Variants in PTPRN2 observed in about 807,000 individuals in gnomAD.
The protein encoded by PTPRN2 is receptor-type tyrosine-protein phosphatase N2.
PTPRN2 carries 74 observed loss-of-function variants against 118.8 expected under a neutral mutation model. The observed-to-expected ratio is 0.62, with a 90% CI of 0.52 to 0.76. The LOEUF (loss-of-function observed/expected upper bound fraction) is 0.76, where lower values mean the gene tolerates loss of function less well. Ranked by LOEUF, PTPRN2 falls within the 30% of genes least tolerant of loss-of-function variation. PTPRN2 has a pLI of 0.00. For synonymous variants in PTPRN2, 641 were observed against 608.0 expected (o/e 1.05, Z -0.80); for missense variants, 1,481 against 1,394.4 (o/e 1.06, Z -0.99).
intron 12 of PTPRN2, among the ~76,000 whole-genome samples, chr7:157,788,945 G>A (rs1034927785): frequency 7.9e-5 from 12 of 152,222 alleles, no homozygotes; most frequent in African/African-American, 2.2e-4. Context: ...TCACAGAGGC[G>A]AAACCCACAC....
chr7:157,817,375 C>A (rs1045894572), intron 12 of PTPRN2, among the ~76,000 whole-genome samples: 1 of 152,130 alleles, frequency 6.6e-6, no homozygotes, highest in African/African-American at 2.4e-5. Flanking sequence ...CTGTGCCTCC[C>A]AGCAGGAGAA....
chr7:158,322,295 G>A (rs1318482324), intron 2 of PTPRN2, among the ~76,000 whole-genome samples: 2 of 152,196 alleles, frequency 1.3e-5, no homozygotes, highest in African/African-American at 4.8e-5. Flanking sequence ...GGATCCTGGG[G>A]CAACAGATGT....
chr7:157,928,539 C>T (rs1414147764), intron 11 of PTPRN2, among the ~76,000 whole-genome samples: 1 of 152,070 alleles, frequency 6.6e-6, no homozygotes, highest in African/African-American at 2.4e-5. Context: ...GCTGCCTGAA[C>T]ACATTTGGTA....
intron 3 of PTPRN2, among the ~76,000 whole-genome samples, chr7:158,270,798 CCACCCCCTCACCTG>C (rs1798313941): frequency 2.8e-5 from 2 of 72,242 alleles, no homozygotes; most frequent in Non-Finnish European, 5.3e-5. Context: ...TCCACCTGGA[CCACCCCCTCACCTG>C]GACCGCCCCC....
chr7:158,115,728 C>T (rs1279854069), intron 9 of PTPRN2, among the ~76,000 whole-genome samples: 4 of 152,076 alleles, frequency 2.6e-5, no homozygotes, highest in Admixed American at 2.0e-4. Flanking sequence ...ATTCCTATTG[C>T]TTCTAAGCTG....
intron 2 of PTPRN2, among the ~76,000 whole-genome samples, chr7:158,329,459 C>G (rs1161507122): frequency 1.3e-5 from 2 of 152,124 alleles, no homozygotes; most frequent in Non-Finnish European, 2.9e-5. Flanking sequence ...GGCTGAGAGG[C>G]GAGGAGGTGG....
chr7:158,058,655 C>T (rs1236506545), intron 11 of PTPRN2, among the ~76,000 whole-genome samples: 8 of 90,060 alleles, frequency 8.9e-5, no homozygotes, highest in African/African-American at 2.0e-4. Flanking sequence ...CATCTGCCCA[C>T]GGTGAGACAT....
chr7:158,059,953 A>G (rs1210806677), intron 11 of PTPRN2, among the ~76,000 whole-genome samples: 18 of 86,610 alleles, frequency 2.1e-4, no homozygotes, highest in East Asian at 4.0e-4. Context: ...ACACGGTGAC[A>G]CATCACTGCA....
intron 12 of PTPRN2, among the ~76,000 whole-genome samples, chr7:157,710,596 C>A (rs1000031702): frequency 6.6e-6 from 1 of 152,004 alleles, no homozygotes; most frequent in Non-Finnish European, 1.5e-5. Flanking sequence ...GACCCCAAGC[C>A]GCTCAGGACC....
intron 2 of PTPRN2, among the ~76,000 whole-genome samples, chr7:158,347,150 G>T (rs1223269583): frequency 2.6e-5 from 4 of 152,042 alleles, no homozygotes; most frequent in Non-Finnish European, 5.9e-5. Context: ...TGTGCTTTGG[G>T]GATCAAATAA....
intron 11 of PTPRN2, among the ~76,000 whole-genome samples, chr7:157,916,280 CA>C (rs1399200710): frequency 1.3e-5 from 2 of 152,164 alleles, no homozygotes; most frequent in Non-Finnish European, 2.9e-5. Context: ...GGTCTCACCC[CA>C]AATGGTCCCA....
At chr7:158,131,995 CAT>C (rs997499077) in intron 9 of PTPRN2, among the ~76,000 whole-genome samples, 10 of 147,198 alleles carry the variant, frequency 6.8e-5, no homozygotes, top group East Asian at 4.0e-4. Flanking sequence ...CACTCACACA[CAT>C]GTAAATATGC....
chr7:158,413,023 C>A (rs1222913159), intron 2 of PTPRN2, among the ~76,000 whole-genome samples: 3 of 151,776 alleles, frequency 2.0e-5, no homozygotes, highest in Non-Finnish European at 4.4e-5. Context: ...CATCCAGTGG[C>A]CTCCTCAGCT....
intron 9 of PTPRN2, among the ~76,000 whole-genome samples, chr7:158,128,862 AAC>A (rs1168654700): frequency 3.3e-5 from 5 of 152,170 alleles, no homozygotes; most frequent in East Asian, 1.9e-4. Flanking sequence ...CCTGCAGGGA[AAC>A]ACACAGTGTC....
chr7:157,834,710 G>C (rs1226356347), intron 12 of PTPRN2, among the ~76,000 whole-genome samples: 1 of 152,240 alleles, frequency 6.6e-6, no homozygotes, highest in Non-Finnish European at 1.5e-5. Context: ...ACGGGGCTGC[G>C]GGCCCAGCCT....
chr7:158,024,199 C>A (rs770844112), intron 11 of PTPRN2, among the ~76,000 whole-genome samples: 7 of 152,186 alleles, frequency 4.6e-5, no homozygotes, highest in Non-Finnish European at 8.8e-5. Context: ...CCCAGCAAAG[C>A]TCTAGAGCGG....
At chr7:158,077,378 G>C (rs1016803004) in intron 11 of PTPRN2, among the ~76,000 whole-genome samples, 1 of 152,204 alleles carries the variant, frequency 6.6e-6, no homozygotes, top group Non-Finnish European at 1.5e-5. Context: ...CAGAGGCGCC[G>C]CTACTGAAAT....
chr7:158,332,384 G>T (rs1483661940), intron 2 of PTPRN2, among the ~76,000 whole-genome samples: 4 of 126,666 alleles, frequency 3.2e-5, no homozygotes, highest in Admixed American at 1.5e-4. Context: ...GGTGACACCT[G>T]CAGATGTCAC....
At position 157,656,566 on chromosome 7, in the gene PTPRN2, G is replaced by T. The variant is rs77060975; in HGVS notation, c.2002-15C>A. 6.5e-7 allele frequency: 1 copy of T among 1,526,786 alleles called. No homozygotes were observed. Among genetic ancestry groups the T allele is most frequent in the Non-Finnish European group, 8.8e-7 (1 of 1,138,948 alleles). 94.6% of individuals were successfully genotyped at this position (1,526,786 alleles called of 1,614,324 possible). A position where few individuals can be genotyped will look rare whatever the true frequency, so the allele number is the denominator to read the frequency against. On this transcript the variant is annotated splice_polypyrimidine_tract_variant and intron_variant, in intron 13 of 22. Coordinates refer to ENST00000389418, the MANE Select transcript of PTPRN2 (RefSeq NM_002847.5). ...CGGCACAGCTCCTGCAGGACAGGGG[G>T]AGGAAGAGCAGGGGGTTAGTGGCAT...
Sources: gnomAD v4.1 joint callset for allele counts (sites outside exome capture counted in the v4.1 genomes callset) on GRCh38, gnomAD v4.1.1 for gene constraint, MANE v1.5 for transcripts, NCBI Gene and HGNC (gene_info 2026-07-23, HGNC 2026-07-21) for gene names.